PTPN14: variants seen among roughly 807,000 people sequenced by gnomAD.
The protein encoded by PTPN14 is protein tyrosine phosphatase non-receptor type 14, also known as tyrosine-protein phosphatase non-receptor type 14.
PTPN14 carries 53 observed loss-of-function variants against 126.8 expected under a neutral mutation model. That is an observed-to-expected ratio of 0.42 (90% CI 0.34 to 0.53). The LOEUF (loss-of-function observed/expected upper bound fraction) is 0.53. PTPN14 is among the 20% of genes least tolerant of loss of function. The probability of loss-of-function intolerance (pLI) is 0.08; values close to 1 mark genes in which losing one functional copy is unlikely to be tolerated. For synonymous variants in PTPN14, 630 were observed against 599.3 expected, an observed-to-expected ratio of 1.05 and a Z score of -0.75; for missense variants, 1,257 against 1,552.9, an observed-to-expected ratio of 0.81 and a Z score of 3.20.
chr1:214,487,789 C>A (rs1051389335), intron 1 of PTPN14, among the ~76,000 whole-genome samples: 2 of 152,180 alleles, frequency 1.3e-5, no homozygotes, highest in Admixed American at 6.5e-5. Context: ...GAAAGATAAG[C>A]TGGCTGGGTT....
intron 2 of PTPN14, among the ~76,000 whole-genome samples, chr1:214,460,659 G>A (rs1442793822): frequency 6.6e-6 from 1 of 151,254 alleles, no homozygotes; most frequent in Non-Finnish European, 1.5e-5. Context: ...ACTGAATTCC[G>A]CCTTTCCCTG....
intron 13 of PTPN14, 140 bp from the exon 14 acceptor site, chr1:214,378,242 C>CTTCCCACTA (rs1658390694): frequency 8.6e-7 from 1 of 1,165,162 alleles, no homozygotes; most frequent in African/African-American, 1.6e-5. Flanking sequence ...CAAACACAGC[C>CTTCCCACTA]TTCCCACTAT....
chr1:214,535,778 C>CAAAA (rs10689118), intron 1 of PTPN14, among the ~76,000 whole-genome samples: 1 of 130,434 alleles, frequency 7.7e-6, no homozygotes, highest in African/African-American at 2.7e-5. Flanking sequence ...GACTCCATCT[C>CAAAA]AAAAAAAAAA....
In PTPN14 at chr1:214,372,750, C is replaced by T. The variant is rs1344442336; in HGVS notation, c.2997G>A (p.Glu999=). Residue 999 remains glutamate, a synonymous_variant, in exon 16 of 19, where the codon GAG becomes GAA. Coordinates refer to ENST00000366956, the MANE Select transcript of PTPN14 (RefSeq NM_005401.5). ...CCATGGCAATCACATTCACTCCCTG[C>T]TCCCACACCATCTGCCAGAAGTCGT... ...TCHDFWQMVW[E]QGVNVIAMVT... The T allele has an allele frequency of 1.2e-6, 2 of 1,614,154 alleles. No homozygotes were observed. The highest frequency in any genetic ancestry group is 2.2e-5 in the South Asian group (2 of 91,074).
rs983685786 is a variant in PTPN14 at position 214,354,925 on chromosome 1, G to T, written c.*2997C>A. The T allele has an allele frequency of 2.0e-4, 31 of 152,102 alleles. No individual in the cohort carries two copies. The highest frequency in any genetic ancestry group is 2.2e-4 in the Non-Finnish European group (15 of 68,028). 9.4% of individuals were successfully genotyped at this position (152,102 alleles called of 1,614,324 possible). ...CACTTTGCTTCAAGGTTTATTCCTT[G>T]GCTTGCTTCCCAGATATAAAGCATC... On this transcript the variant is annotated 3_prime_UTR_variant, in exon 19 of 19. Transcript: ENST00000366956.
At chr1:214,398,058 C>A in intron 7 of PTPN14, 57 bp from the exon 8 acceptor site, 1 of 1,366,004 alleles carries the variant, frequency 7.3e-7, no homozygotes, top group South Asian at 1.2e-5. Flanking sequence ...CAACATTATT[C>A]ACAATAGCTA....
intron 1 of PTPN14, among the ~76,000 whole-genome samples, chr1:214,514,073 G>C (rs1238110328): frequency 6.6e-6 from 1 of 151,608 alleles, no homozygotes; most frequent in Non-Finnish European, 1.5e-5. Context: ...TTCTCTCCTT[G>C]TCTTTTTTTA....
intron 1 of PTPN14, among the ~76,000 whole-genome samples, chr1:214,497,022 T>C (rs1022907538): frequency 1.3e-5 from 2 of 152,084 alleles, no homozygotes; most frequent in African/African-American, 4.8e-5. Flanking sequence ...ACAGATTTTA[T>C]TAAATAAATT....
intron 16 of PTPN14, among the ~76,000 whole-genome samples, chr1:214,370,845 A>G (rs1658202278): frequency 6.6e-6 from 1 of 152,178 alleles, no homozygotes; most frequent in African/African-American, 2.4e-5. Flanking sequence ...TGCAGTGGTG[A>G]CAGGCTCTGG....
intron 5 of PTPN14, among the ~76,000 whole-genome samples, chr1:214,411,417 A>G (rs1659306567): frequency 6.6e-6 from 1 of 152,188 alleles, no homozygotes; most frequent in East Asian, 1.9e-4. Context: ...GTAAAGTTTC[A>G]GGTTACAAAA....
chr1:214,434,945 C>A (rs1443278151), intron 3 of PTPN14, among the ~76,000 whole-genome samples: 1 of 152,118 alleles, frequency 6.6e-6, no homozygotes, highest in Non-Finnish European at 1.5e-5. Context: ...ATTTGTAACG[C>A]CCTTATCCTT....
At chr1:214,388,409 T>C (rs2102545448) in intron 11 of PTPN14, among the ~76,000 whole-genome samples, 1 of 152,206 alleles carries the variant, frequency 6.6e-6, no homozygotes, top group South Asian at 2.1e-4. Context: ...CTTTTTTCTT[T>C]TTTTTTTTAT....
In PTPN14 at chr1:214,464,210, A is replaced by G. The variant is rs541461791; in HGVS notation, c.174+420T>C. ...TTTTTTTTTTAGAGGAAAATATAGA[A>G]ACAACCAAAAAAAAAAAAAAAAGGC... On this transcript the variant is annotated intron_variant, in intron 2 of 18. Transcript: ENST00000366956. Among the ~76,000 whole-genome samples the G allele has an allele frequency of 1.3e-4, 13 of 100,838 alleles. No homozygotes were observed. The South Asian group carries it at 5.7e-3, about 45-fold the overall frequency. The allele number at this position is 100,838 out of a possible 152,430, so 66.2% of individuals were successfully genotyped here.
At chr1:214,498,422 G>A (rs1308850887) in intron 1 of PTPN14, among the ~76,000 whole-genome samples, 1 of 152,168 alleles carries the variant, frequency 6.6e-6, no homozygotes, top group African/African-American at 2.4e-5. Context: ...AATTCAGAGG[G>A]ATGTAAGAGA....
chr1:214,411,791 T>C, intron 4 of PTPN14, 40 bp from the exon 5 acceptor site: 4 of 1,344,624 alleles, frequency 3.0e-6, no homozygotes, highest in Non-Finnish European at 4.1e-6. Flanking sequence ...ATTTATTATA[T>C]GAAATTAAAG....
chr1:214,426,901 G>C (rs1362742363), intron 3 of PTPN14, among the ~76,000 whole-genome samples: 1 of 152,152 alleles, frequency 6.6e-6, no homozygotes, highest in Non-Finnish European at 1.5e-5. Context: ...GCACTCTCCA[G>C]AAGAGAAGTA....
chr1:214,451,698 C>T (rs1660275337), intron 3 of PTPN14, 107 bp downstream of exon 3: 16 of 1,318,468 alleles, frequency 1.2e-5, no homozygotes, highest in South Asian at 1.5e-5. Flanking sequence ...ACCACACACC[C>T]GCACCCACAC....
intron 18 of PTPN14, among the ~76,000 whole-genome samples, chr1:214,362,516 G>A (rs966966409): frequency 2.0e-5 from 3 of 152,200 alleles, no homozygotes; most frequent in Non-Finnish European, 4.4e-5. Flanking sequence ...AAACTGTTCC[G>A]GATTTGATAT....
intron 3 of PTPN14, among the ~76,000 whole-genome samples, chr1:214,433,961 A>G (rs879499574): frequency 1.4e-5 from 1 of 72,672 alleles, no homozygotes; most frequent in African/African-American, 4.0e-5. Flanking sequence ...CAAAAAAAAA[A>G]AAAAAAAAAA....
Sources: allele counts gnomAD v4.1 joint callset (sites outside exome capture counted in the v4.1 genomes callset), GRCh38; gene constraint gnomAD v4.1.1; transcripts MANE v1.5; gene names NCBI Gene and HGNC (gene_info 2026-07-23, HGNC 2026-07-21).